Variants in MAPK10 observed in about 807,000 individuals in gnomAD.
MAPK10 encodes the protein mitogen-activated protein kinase 10.
Under a neutral mutation model 59.3 loss-of-function variants are expected in MAPK10, and 25 were observed. The ratio of observed to expected loss-of-function variants is 0.42; its 90% CI spans 0.31 to 0.59. MAPK10 has a LOEUF of 0.59. MAPK10 is among the 20% of genes least tolerant of loss of function. MAPK10 has a pLI of 0.15. For missense variants in MAPK10, 351 were observed against 568.9 expected (o/e 0.62, Z 3.90); for synonymous variants, 190 against 200.5 (o/e 0.95, Z 0.44).
chr4:86,432,161 T>A (rs1342420759), intron 1 of MAPK10, among the ~76,000 whole-genome samples: 1 of 152,158 alleles, frequency 6.6e-6, no homozygotes, highest in Non-Finnish European at 1.5e-5. Flanking sequence ...CAACCTCCCA[T>A]CCCATTTTCA....
At chr4:86,584,706 A>G (rs972050035) in intron 1 of MAPK10, among the ~76,000 whole-genome samples, 1 of 152,184 alleles carries the variant, frequency 6.6e-6, no homozygotes, top group Non-Finnish European at 1.5e-5. Flanking sequence ...TAGCCTCCCA[A>G]AGTGCTGAGT....
chr4:86,118,231 T>C (rs1383668069), intron 4 of MAPK10, among the ~76,000 whole-genome samples: 1 of 152,220 alleles, frequency 6.6e-6, no homozygotes, highest in Non-Finnish European at 1.5e-5. Flanking sequence ...CAGTCACAGA[T>C]TCATGTCTGA....
intron 11 of MAPK10, among the ~76,000 whole-genome samples, chr4:86,043,353 T>G (rs1351075657): frequency 6.6e-6 from 1 of 152,142 alleles, no homozygotes; most frequent in Admixed American, 6.6e-5. Context: ...GAAGGTGTTG[T>G]CAGCTTATTC....
intron 11 of MAPK10, among the ~76,000 whole-genome samples, chr4:86,063,525 G>A (rs1263235503): frequency 6.6e-6 from 1 of 152,088 alleles, no homozygotes; most frequent in Non-Finnish European, 1.5e-5. Flanking sequence ...TTCTCATCAG[G>A]AGGCCTATAG....
intron 1 of MAPK10, chr4:86,358,177 T>C (rs1016673258): frequency 1.0e-6 from 1 of 981,948 alleles, no homozygotes; most frequent in Middle Eastern, 5.2e-4. Flanking sequence ...TATATATTTA[T>C]TTGTTATATA....
chr4:86,564,034 T>A (rs1760882149), intron 1 of MAPK10, among the ~76,000 whole-genome samples: 1 of 152,012 alleles, frequency 6.6e-6, no homozygotes, highest in Non-Finnish European at 1.5e-5. Context: ...GTTTTACCAT[T>A]TTCTCCAGGC....
intron 3 of MAPK10, chr4:86,192,649 G>A (rs1262346959): frequency 6.6e-6 from 1 of 151,880 alleles, no homozygotes; most frequent in Non-Finnish European, 1.5e-5. Flanking sequence ...TCTCTAAACT[G>A]GTTATTCTAG....
intron 2 of MAPK10, among the ~76,000 whole-genome samples, chr4:86,250,373 A>G (rs544610184): frequency 6.6e-6 from 1 of 152,308 alleles, no homozygotes; most frequent in Admixed American, 6.5e-5. Context: ...CATCCCAGAC[A>G]GACTTACTCT....
At chr4:86,264,984 C>T (rs575714679) in intron 2 of MAPK10, among the ~76,000 whole-genome samples, 100 of 150,694 alleles carry the variant, frequency 6.6e-4, no homozygotes, top group Admixed American at 1.2e-3. Context: ...CTCCGCCTCC[C>T]GGGTTCAAGC....
intron 1 of MAPK10, among the ~76,000 whole-genome samples, chr4:86,418,108 C>T (rs745915388): frequency 2.6e-5 from 4 of 152,210 alleles, no homozygotes; most frequent in Non-Finnish European, 5.9e-5. Context: ...CAGTAATCTA[C>T]ACCCAGTACA....
intron 4 of MAPK10, among the ~76,000 whole-genome samples, chr4:86,134,949 C>T (rs2061648998): frequency 6.6e-6 from 1 of 152,196 alleles, no homozygotes; most frequent in Non-Finnish European, 1.5e-5. Flanking sequence ...AATCGGGTCA[C>T]TCCCACCTGA....
At chr4:86,321,681 C>T (rs1030456399) in intron 2 of MAPK10, among the ~76,000 whole-genome samples, 1 of 151,244 alleles carries the variant, frequency 6.6e-6, no homozygotes, top group South Asian at 2.1e-4. Flanking sequence ...CACATGTATA[C>T]ATATGTAACT....
In MAPK10 at chr4:86,166,885, T is replaced by C. The variant is rs780203894; in HGVS notation, c.67-7418A>G. ...AGAAATAACCAAGATCAGAGCAGAATAGAAAAACATAGAGACACAAAAAAA... is the reference window on the plus strand; with the variant it reads ...AGAAATAACCAAGATCAGAGCAGAACAGAAAAACATAGAGACACAAAAAAA... On this transcript the variant is annotated intron_variant, in intron 3 of 13. Transcript: ENST00000641462. Among the ~76,000 whole-genome samples the C allele has an allele frequency of 8.6e-5, 13 of 151,410 alleles. No homozygotes were observed. In the South Asian group the frequency reaches 1.5e-3, roughly 17 times the overall value.
At chr4:86,570,458 C>A (rs112827744) in intron 1 of MAPK10, among the ~76,000 whole-genome samples, 6,204 of 151,946 alleles carry the variant, frequency 0.041, 179 homozygotes, top group Non-Finnish European at 0.051. Flanking sequence ...GAAAATAATA[C>A]TCAATATTAT....
chr4:86,172,680 T>A (rs1315794741), intron 3 of MAPK10, among the ~76,000 whole-genome samples: 1 of 150,972 alleles, frequency 6.6e-6, no homozygotes, highest in Non-Finnish European at 1.5e-5. Flanking sequence ...CATATGTAAC[T>A]AACCTGCACA....
chr4:86,063,371 C>T (rs2046091457), intron 11 of MAPK10, among the ~76,000 whole-genome samples: 1 of 152,094 alleles, frequency 6.6e-6, no homozygotes, highest in African/African-American at 2.4e-5. Context: ...AAGAACAAAT[C>T]CAAACAAATG....
At chr4:86,251,049 AT>A (rs34201683) in intron 2 of MAPK10, among the ~76,000 whole-genome samples, 49,873 of 151,954 alleles carry the variant, frequency 0.33, 11,130 homozygotes, top group African/African-American at 0.64. Context: ...CACAAAAGAT[AT>A]TTGTTCCCAC....
At chr4:86,088,650 C>G (rs897828598) in intron 9 of MAPK10, among the ~76,000 whole-genome samples, 1 of 152,060 alleles carries the variant, frequency 6.6e-6, no homozygotes, top group Non-Finnish European at 1.5e-5. Flanking sequence ...GGAATTAGAG[C>G]TATTATTCCC....
chr4:86,297,471 G>T (rs977927848), intron 2 of MAPK10, among the ~76,000 whole-genome samples: 3 of 151,920 alleles, frequency 2.0e-5, no homozygotes, highest in African/African-American at 7.3e-5. Flanking sequence ...CACCACCAAG[G>T]TCGGCTACTT....
Sources: allele counts gnomAD v4.1 joint callset (sites outside exome capture counted in the v4.1 genomes callset), GRCh38; gene constraint gnomAD v4.1.1; transcripts MANE v1.5; gene names NCBI Gene and HGNC (gene_info 2026-07-23, HGNC 2026-07-21).